NUDC: variants seen among roughly 807,000 people sequenced by gnomAD.
The protein encoded by NUDC is nuclear migration protein nudC.
NUDC carries 14 observed loss-of-function variants against 45.0 expected under a neutral mutation model. The ratio of observed to expected loss-of-function variants is 0.31; its 90% CI spans 0.21 to 0.49. The LOEUF (loss-of-function observed/expected upper bound fraction) is 0.49. NUDC is among the 20% of genes least tolerant of loss of function. The pLI, the probability that NUDC is intolerant of heterozygous loss-of-function variation, is 0.99. For synonymous variants in NUDC, 153 were observed against 156.7 expected, an observed-to-expected ratio of 0.98 and a Z score of 0.17; for missense variants, 323 against 426.2, an observed-to-expected ratio of 0.76 and a Z score of 2.13.
At chr1:26,924,345 C>G (rs2082114776) in intron 2 of NUDC, among the ~76,000 whole-genome samples, 179 bp downstream of exon 2, 2 of 152,184 alleles carry the variant, frequency 1.3e-5, no homozygotes, top group Admixed American at 1.3e-4. Flanking sequence ...AGCCCTCTAT[C>G]TACCTTATTT....
chr1:26,935,469 C>T (rs965381439), intron 2 of NUDC, among the ~76,000 whole-genome samples: 1 of 151,996 alleles, frequency 6.6e-6, no homozygotes. Flanking sequence ...GAAGCAGGTA[C>T]CACCTTTACA....
intron 2 of NUDC, among the ~76,000 whole-genome samples, chr1:26,930,634 C>T (rs1031877076): frequency 1.3e-5 from 2 of 150,302 alleles, no homozygotes; most frequent in African/African-American, 4.9e-5. Context: ...CTCTGGAGCC[C>T]AGGAGTTTGA....
intron 2 of NUDC, among the ~76,000 whole-genome samples, chr1:26,927,432 C>CTA (rs1323497850): frequency 1.2e-4 from 17 of 146,132 alleles, no homozygotes; most frequent in Admixed American, 2.8e-4. Flanking sequence ...GAGTCTTGCT[C>CTA]TATGACCTAG....
intron 2 of NUDC, among the ~76,000 whole-genome samples, chr1:26,906,157 G>A (rs2082001931): frequency 6.6e-6 from 1 of 152,186 alleles, no homozygotes; most frequent in Admixed American, 6.5e-5. Context: ...GCGCATGCCT[G>A]TAATCCCAGC....
At chr1:26,901,609 T>C (rs1056500723) in intron 1 of NUDC, among the ~76,000 whole-genome samples, 2 of 151,998 alleles carry the variant, frequency 1.3e-5, no homozygotes, top group Non-Finnish European at 2.9e-5. Flanking sequence ...TTCACCATAT[T>C]GGTCAGGCTG....
intron 2 of NUDC, among the ~76,000 whole-genome samples, chr1:26,906,105 A>G (rs2082001659): frequency 6.6e-6 from 1 of 151,978 alleles, no homozygotes; most frequent in Non-Finnish European, 1.5e-5. Flanking sequence ...AAATGTAGAA[A>G]CCCCGTCTCT....
chr1:26,941,920 C>T (rs1453207005), intron 4 of NUDC, 102 bp downstream of exon 4: 2 of 1,081,716 alleles, frequency 1.8e-6, no homozygotes, highest in East Asian at 2.5e-5. Flanking sequence ...TATCCTATCC[C>T]CTCCCCTCCT....
At chr1:26,941,884 A>G (rs894610474) in intron 4 of NUDC, 66 bp downstream of exon 4, 11 of 1,482,726 alleles carry the variant, frequency 7.4e-6, no homozygotes, top group Admixed American at 1.7e-5. Flanking sequence ...TCTCCTGCCT[A>G]CTGCTTTCTC....
chr1:26,929,914 C>T (rs2082166716), intron 2 of NUDC, among the ~76,000 whole-genome samples: 1 of 152,040 alleles, frequency 6.6e-6, no homozygotes, highest in Non-Finnish European at 1.5e-5. Context: ...ATCCCAGCTA[C>T]TCGGGAGGCT....
At position 26,942,942 on chromosome 1, in the gene NUDC, C is replaced by T; in HGVS notation, c.618C>T (p.His206=). The change falls in exon 6 of 9, where the codon CAC becomes CAT. Residue 206 remains histidine (H), a synonymous_variant. Transcript: ENST00000321265. ...KDMVVDIQRR[H]LRVGLKGQPA... ...TGGTGGTGGACATCCAGCGGCGGCACCTCCGGGTGGGGCTCAAGGGGCAGC... is the reference window on the plus strand; with the variant it reads ...TGGTGGTGGACATCCAGCGGCGGCATCTCCGGGTGGGGCTCAAGGGGCAGC... 3 of 1,613,954 alleles carry T rather than the reference C, an allele frequency of 1.9e-6. No individual in the cohort carries two copies. The highest frequency in any genetic ancestry group is 2.5e-6 in the Non-Finnish European group (3 of 1,180,038).
intron 2 of NUDC, among the ~76,000 whole-genome samples, chr1:26,909,353 A>G (rs759899775): frequency 2.0e-5 from 3 of 152,162 alleles, no homozygotes; most frequent in Non-Finnish European, 4.4e-5. Flanking sequence ...CCTGGGCTCA[A>G]GCGATCCTAT....
At chr1:26,908,231 A>G (rs950591887) in intron 2 of NUDC, among the ~76,000 whole-genome samples, 1 of 151,934 alleles carries the variant, frequency 6.6e-6, no homozygotes, top group Non-Finnish European at 1.5e-5. Context: ...ACCTTAAGTT[A>G]CATACGCCAT....
chr1:26,911,996 G>A (rs753926122), intron 3 of NUDC: 5 of 1,614,216 alleles, frequency 3.1e-6, no homozygotes, highest in Non-Finnish European at 4.2e-6. Flanking sequence ...TTGGGCTGCT[G>A]GGCACCAGGG....
intron 1 of NUDC, among the ~76,000 whole-genome samples, chr1:26,901,397 CTTT>C (rs34988488): frequency 3.0e-4 from 22 of 73,622 alleles, no homozygotes; most frequent in African/African-American, 1.1e-3. Context: ...GCCTTTTTGT[CTTT>C]TTTTTTTTTT....
chr1:26,944,022 C>T (rs888689830), intron 6 of NUDC, among the ~76,000 whole-genome samples: 12 of 151,886 alleles, frequency 7.9e-5, no homozygotes, highest in African/African-American at 2.4e-4. Context: ...GGACTACAGG[C>T]GCCCGCCACC....
At chr1:26,917,394 T>C (rs2082067261), upstream of NUDC, among the ~76,000 whole-genome samples, 1 of 151,892 alleles carries the variant, frequency 6.6e-6, no homozygotes, top group South Asian at 2.1e-4. Flanking sequence ...AAACTCCATC[T>C]CTACTAAACA....
chr1:26,944,546 G>A (rs1231627229), intron 6 of NUDC, among the ~76,000 whole-genome samples: 1 of 151,954 alleles, frequency 6.6e-6, no homozygotes, highest in Non-Finnish European at 1.5e-5. Context: ...GCTCATGCCT[G>A]TAATCCTAGC....
At chr1:26,930,834 GGT>G (rs1268138513) in intron 2 of NUDC, among the ~76,000 whole-genome samples, 1 of 151,714 alleles carries the variant, frequency 6.6e-6, no homozygotes, top group Non-Finnish European at 1.5e-5. Context: ...CTGGCCAAAT[GGT>G]GAAACCTCGT....
At chr1:26,939,310 A>G (rs2082259172) in intron 2 of NUDC, among the ~76,000 whole-genome samples, 1 of 151,402 alleles carries the variant, frequency 6.6e-6, no homozygotes, top group African/African-American at 2.4e-5. Context: ...GAGCCACCAC[A>G]CCTGGCCAAG....
Sources: gnomAD v4.1 joint callset for allele counts (sites outside exome capture counted in the v4.1 genomes callset) on GRCh38, gnomAD v4.1.1 for gene constraint, MANE v1.5 for transcripts, NCBI Gene and HGNC (gene_info 2026-07-23, HGNC 2026-07-21) for gene names.